The following RAB3GAP2 variants were observed in gnomAD, a reference collection of about 807,000 sequenced individuals.
The protein encoded by RAB3GAP2 is rab3 GTPase-activating protein non-catalytic subunit.
RAB3GAP2 carries 87 observed loss-of-function variants against 185.3 expected under a neutral mutation model. The observed-to-expected ratio is 0.47, with a 90% CI of 0.39 to 0.56. The LOEUF (loss-of-function observed/expected upper bound fraction) is 0.56, where lower values mean the gene tolerates loss of function less well. RAB3GAP2 is among the 20% of genes least tolerant of loss of function. RAB3GAP2 has a pLI of 0.00. For missense variants in RAB3GAP2, 1,492 were observed against 1,638.2 expected, an observed-to-expected ratio of 0.91 and a Z score of 1.54; for synonymous variants, 554 against 576.1, an observed-to-expected ratio of 0.96 and a Z score of 0.55.
At position 220,172,046 on chromosome 1, in the gene RAB3GAP2, G is replaced by T; in HGVS notation, c.2420C>A (p.Ala807Asp). 1 of 1,614,072 alleles carries T rather than the reference G, an allele frequency of 6.2e-7. No homozygotes were observed. The highest frequency in any genetic ancestry group is 1.7e-5 in the Admixed American group (1 of 60,010). The change falls in exon 23 of 35, where the codon GCC becomes GAC. Residue 807 changes from alanine to aspartate, a missense_variant. Coordinates refer to ENST00000358951, the MANE Select transcript of RAB3GAP2 (RefSeq NM_012414.4). ...CTGAGAATCCCAGGTCTCATCGATG[G>T]CCACTATAGGGATAGGAGAAAACAG... ...MLSLLSKMKV[A>D]IDETWDSQSV...
intron 28 of RAB3GAP2, 114 bp from the exon 29 acceptor site, chr1:220,159,535 T>A: frequency 1.4e-6 from 1 of 738,018 alleles, no homozygotes; most frequent in Non-Finnish European, 2.3e-6. Flanking sequence ...GCGCTATAAG[T>A]AAATGTGACA....
At chr1:220,255,861 G>T (rs1653891470) in intron 1 of RAB3GAP2, among the ~76,000 whole-genome samples, 1 of 152,088 alleles carries the variant, frequency 6.6e-6, no homozygotes, top group African/African-American at 2.4e-5. Flanking sequence ...AACAGTTCAG[G>T]ATATCATCCA....
intron 1 of RAB3GAP2, among the ~76,000 whole-genome samples, chr1:220,252,721 A>G (rs1659959980): frequency 1.3e-5 from 2 of 152,188 alleles, no homozygotes; most frequent in South Asian, 4.1e-4. Flanking sequence ...AGATCTCCTC[A>G]TGAGCCCACA....
At position 220,268,562 on chromosome 1, in the gene RAB3GAP2, A is replaced by T. The variant is rs150388646; in HGVS notation, c.115+3661T>A. Reference sequence around the variant, plus strand: ...ACAAAGTACACATTGCTTTCACATTACTGTAAAGCTAAAAAATTGGAAGCC... The same window carrying T: ...ACAAAGTACACATTGCTTTCACATTTCTGTAAAGCTAAAAAATTGGAAGCC... On this transcript the variant is annotated intron_variant, in intron 1 of 34. Coordinates refer to ENST00000358951, the MANE Select transcript of RAB3GAP2 (RefSeq NM_012414.4). 6.3e-3 allele frequency among the ~76,000 whole-genome samples: 961 copies of T among 152,324 alleles called. 9 individuals are homozygous for T. Among genetic ancestry groups the T allele is most frequent in the African/African-American group, 0.022 (916 of 41,564 alleles).
At chr1:220,250,646 T>C (rs1659915478) in intron 1 of RAB3GAP2, among the ~76,000 whole-genome samples, 1 of 152,184 alleles carries the variant, frequency 6.6e-6, no homozygotes, top group Non-Finnish European at 1.5e-5. Flanking sequence ...TCATCTTGAA[T>C]TGTACTTCAG....
chr1:220,190,290 A>G (rs1158012640), intron 15 of RAB3GAP2, 87 bp downstream of exon 15: 1 of 1,578,678 alleles, frequency 6.3e-7, no homozygotes, highest in Non-Finnish European at 8.7e-7. Flanking sequence ...ACAACAAAAT[A>G]GCAACTACAA....
intron 23 of RAB3GAP2, among the ~76,000 whole-genome samples, 179 bp from the exon 24 acceptor site, chr1:220,171,299 A>G (rs910194306): frequency 6.6e-6 from 1 of 152,202 alleles, no homozygotes; most frequent in Non-Finnish European, 1.5e-5. Flanking sequence ...AGTAGATTGG[A>G]GACTCATGGG....
intron 21 of RAB3GAP2, among the ~76,000 whole-genome samples, chr1:220,176,297 C>G (rs921618690): frequency 2.0e-5 from 3 of 151,966 alleles, no homozygotes; most frequent in Non-Finnish European, 4.4e-5. Flanking sequence ...TGACATATAA[C>G]CAGATGATGT....
intron 13 of RAB3GAP2, among the ~76,000 whole-genome samples, chr1:220,192,250 C>G (rs193038631): frequency 6.6e-6 from 1 of 152,166 alleles, no homozygotes; most frequent in Non-Finnish European, 1.5e-5. Flanking sequence ...TCTACAGATA[C>G]TGAGACATGT....
At chr1:220,151,506 G>T (rs1657753447) in intron 34 of RAB3GAP2, 100 bp from the exon 35 acceptor site, 5 of 1,592,838 alleles carry the variant, frequency 3.1e-6, no homozygotes, top group Admixed American at 1.7e-5. Context: ...TTGTAACTAG[G>T]TGAATTAAAC....
intron 1 of RAB3GAP2, chr1:220,267,137 T>G: frequency 7.7e-7 from 1 of 1,297,278 alleles, no homozygotes; most frequent in East Asian, 2.3e-5. Flanking sequence ...AGAAGTAAGT[T>G]CTCTGGCTTA....
At chr1:220,250,486 T>C (rs1450953740) in intron 1 of RAB3GAP2, among the ~76,000 whole-genome samples, 1 of 152,226 alleles carries the variant, frequency 6.6e-6, no homozygotes, top group African/African-American at 2.4e-5. Flanking sequence ...GAGATGATAC[T>C]TTGGACTTGA....
intron 1 of RAB3GAP2, among the ~76,000 whole-genome samples, chr1:220,260,644 G>A (rs1281838537): frequency 6.6e-6 from 1 of 151,990 alleles, no homozygotes; most frequent in Non-Finnish European, 1.5e-5. Flanking sequence ...ATGGATGCTG[G>A]GCTTAATACC....
chr1:220,154,055 T>C lies in RAB3GAP2; in HGVS notation c.3558A>G (p.Gly1186=), dbSNP rs543785834. 97 of 1,613,260 alleles carry C rather than the reference T, an allele frequency of 6.0e-5. No individual in the cohort carries two copies. In the South Asian group the frequency reaches 1.0e-3, roughly 17 times the overall value. Residue 1186 remains glycine, a splice_region_variant and synonymous_variant, in exon 32 of 35, where the codon GGA becomes GGG. Transcript: ENST00000358951. ...TTAGGTCTTTGAAAAATGCATTTTT[T>C]CCCTAAAAAGAAAGAGAGCAAGAAA... ...VKPLSLFDSK[G]KNAFFKDLTS... is the part of the protein sequence containing the mutation.
At chr1:220,239,318 T>C (rs150766832) in intron 1 of RAB3GAP2, among the ~76,000 whole-genome samples, 1 of 152,198 alleles carries the variant, frequency 6.6e-6, no homozygotes, top group East Asian at 1.9e-4. Flanking sequence ...GCAGGCTCTA[T>C]CTCCCAGGCG....
intron 1 of RAB3GAP2, among the ~76,000 whole-genome samples, chr1:220,240,797 T>G (rs1027637186): frequency 1.3e-5 from 2 of 152,138 alleles, no homozygotes; most frequent in Admixed American, 6.5e-5. Context: ...ACAGGACTAT[T>G]TGAACTATTA....
chr1:220,162,118 C>T (rs1379273645), intron 28 of RAB3GAP2, 80 bp downstream of exon 28: 1 of 1,116,338 alleles, frequency 9.0e-7, no homozygotes, highest in African/African-American at 1.5e-5. Flanking sequence ...TCTAACAAAG[C>T]CTAATGTGAA....
chr1:220,187,537 G>A (rs1302398032), intron 17 of RAB3GAP2, among the ~76,000 whole-genome samples: 1 of 152,148 alleles, frequency 6.6e-6, no homozygotes, highest in African/African-American at 2.4e-5. Flanking sequence ...CTGACCTCTG[G>A]GGAGCCAAGA....
chr1:220,236,837 T>A (rs1659601573), intron 1 of RAB3GAP2, among the ~76,000 whole-genome samples: 1 of 152,168 alleles, frequency 6.6e-6, no homozygotes, highest in Non-Finnish European at 1.5e-5. Context: ...TAATTGATCA[T>A]TGGTCAAGAA....
Sources: gnomAD v4.1 joint callset for allele counts (sites outside exome capture counted in the v4.1 genomes callset) on GRCh38, gnomAD v4.1.1 for gene constraint, MANE v1.5 for transcripts, NCBI Gene and HGNC (gene_info 2026-07-23, HGNC 2026-07-21) for gene names.